FAT3: variants seen among roughly 807,000 people sequenced by gnomAD.
The protein encoded by FAT3 is FAT atypical cadherin 3.
Under a neutral mutation model 310.2 loss-of-function variants are expected in FAT3, and 95 were observed. That is an observed-to-expected ratio of 0.31 (90% CI 0.26 to 0.36). The LOEUF is 0.36. Ranked by LOEUF, FAT3 falls within the 10% of genes least tolerant of loss-of-function variation. The pLI is 1.00. For synonymous variants in FAT3, 2,314 were observed against 2,192.9 expected, an observed-to-expected ratio of 1.06 and a Z score of -1.54; for missense variants, 5,408 against 5,715.6, an observed-to-expected ratio of 0.95 and a Z score of 1.74.
At chr11:92,538,455 G>T (rs1233289995) in intron 3 of FAT3, among the ~76,000 whole-genome samples, 1 of 152,154 alleles carries the variant, frequency 6.6e-6, no homozygotes, top group Non-Finnish European at 1.5e-5. Flanking sequence ...GCGGGCTACT[G>T]TATTTTATAA....
intron 13 of FAT3, among the ~76,000 whole-genome samples, chr11:92,812,523 A>G (rs1030684832): frequency 1.3e-5 from 2 of 151,848 alleles, no homozygotes; most frequent in Non-Finnish European, 2.9e-5. Context: ...CGGAGGTTGC[A>G]GTGAGCCAAT....
intron 19 of FAT3, among the ~76,000 whole-genome samples, chr11:92,856,711 TA>T (rs1013042018): frequency 6.6e-6 from 1 of 152,226 alleles, no homozygotes; most frequent in Non-Finnish European, 1.5e-5. Flanking sequence ...TTCAACAATT[TA>T]AAATTAGTCA....
At position 92,641,138 on chromosome 11, in the gene FAT3, T is replaced by G. The variant is rs188305837; in HGVS notation, c.3608-56246T>G. On this transcript the variant is annotated intron_variant, in intron 3 of 27. Transcript: ENST00000525166. ...TTAAGCCCAGGGATCAAGGCTGCAG[T>G]GAGCCAAGATTGTACCACTGCACTC... Among the ~76,000 whole-genome samples, 5 of 152,228 alleles carry G rather than the reference T, an allele frequency of 3.3e-5. No homozygotes were observed. In the East Asian group the frequency reaches 9.7e-4, roughly 29 times the overall value.
At chr11:92,253,397 T>G (rs953113375) in intron 1 of FAT3, among the ~76,000 whole-genome samples, 51 of 152,158 alleles carry the variant, frequency 3.4e-4, no homozygotes, top group African/African-American at 1.1e-3. Context: ...TACTTTAGAT[T>G]TGAGCCCTCT....
At chr11:92,450,034 C>A (rs1195530525) in intron 2 of FAT3, among the ~76,000 whole-genome samples, 1 of 152,084 alleles carries the variant, frequency 6.6e-6, no homozygotes, top group East Asian at 1.9e-4. Flanking sequence ...GTGTCCTTTC[C>A]CCATGCCTTG....
chr11:92,507,565 C>T (rs188591134), intron 2 of FAT3, among the ~76,000 whole-genome samples: 1 of 151,616 alleles, frequency 6.6e-6, no homozygotes, highest in East Asian at 2.0e-4. Context: ...TATATATACA[C>T]ACACATATCC....
chr11:92,780,018 G>A (rs1051572470), intron 7 of FAT3, among the ~76,000 whole-genome samples: 1 of 152,128 alleles, frequency 6.6e-6, no homozygotes, highest in Non-Finnish European at 1.5e-5. Context: ...CAAACAACCT[G>A]AATGATTTTG....
intron 1 of FAT3, among the ~76,000 whole-genome samples, chr11:92,350,685 C>T (rs868760016): frequency 1.3e-5 from 2 of 152,240 alleles, no homozygotes; most frequent in Middle Eastern, 6.8e-3. Flanking sequence ...AGATTAACTT[C>T]TCTGACCCTC....
chr11:92,847,327 G>A (rs1948712017), intron 19 of FAT3, among the ~76,000 whole-genome samples: 1 of 152,182 alleles, frequency 6.6e-6, no homozygotes, highest in Non-Finnish European at 1.5e-5. Flanking sequence ...GTAGCATGCT[G>A]TACAAGCCTG....
In FAT3 at chr11:92,834,955, A is replaced by G. The variant is rs768567613; in HGVS notation, c.9957A>G (p.Pro3319=). The change falls in exon 15 of 28, where the codon CCA becomes CCG. Residue 3319 remains proline (P), a synonymous_variant. Transcript: ENST00000525166. ...LVVEAKDGGT[P]ALSAVATVNI... ...TGGAAGCCAAAGATGGGGGCACCCC[A>G]GCTCTCAGCGCTGTGGCCACTGTCA... 50 of 1,613,204 alleles carry G rather than the reference A, an allele frequency of 3.1e-5. No homozygotes were observed. In the South Asian group the frequency reaches 5.5e-4, roughly 18 times the overall value.
chr11:92,844,497 C>T lies in FAT3; in HGVS notation c.11130C>T (p.Ser3710=). Residue 3710 remains serine (S), a synonymous_variant, in exon 19 of 28, where the codon AGC becomes AGT. Transcript: ENST00000525166. The stretch of plus-strand genomic sequence containing the variant: ...TGTTTGCGGTGGAGATGCACAGCAG[C>T]GAGTTCTACAAGCCAGCCTACCTGA... ...DMLFAVEMHS[S]EFYKPAYLIQ... is the part of the protein sequence containing the mutation. 1.2e-5 allele frequency: 19 copies of T among 1,613,902 alleles called. No individual in the cohort carries two copies. The highest frequency in any genetic ancestry group is 2.2e-5 in the East Asian group (1 of 44,878).
At position 92,831,836 on chromosome 11, in the gene FAT3, C is replaced by T. The variant is rs765274303; in HGVS notation, c.9696C>T (p.Asn3232=). 4.3e-6 allele frequency: 7 copies of T among 1,613,574 alleles called. No individual in the cohort carries two copies. Among genetic ancestry groups the T allele is most frequent in the Non-Finnish European group, 5.1e-6 (6 of 1,179,798 alleles). The change falls in exon 14 of 28, where the codon AAC becomes AAT. Residue 3232 remains asparagine (N), a synonymous_variant. Transcript: ENST00000525166. ...VTITVLDIND[N]PPVFERRDYL... ...TCACCGTTCTGGACATTAATGACAA[C>T]CCCCCTGTGTTTGAGAGGAGGGACT...
chr11:92,576,018 T>C (rs939576918), intron 3 of FAT3, among the ~76,000 whole-genome samples: 1 of 152,192 alleles, frequency 6.6e-6, no homozygotes, highest in African/African-American at 2.4e-5. Context: ...GAATTATAAA[T>C]TGGGAGTTTA....
At chr11:92,489,809 T>C (rs1396684128) in intron 2 of FAT3, among the ~76,000 whole-genome samples, 1 of 152,044 alleles carries the variant, frequency 6.6e-6, no homozygotes, top group African/African-American at 2.4e-5. Context: ...CACAGCTCTC[T>C]GCAGAAGGCT....
chr11:92,456,005 G>C (rs1340398816), intron 2 of FAT3, among the ~76,000 whole-genome samples: 2 of 152,192 alleles, frequency 1.3e-5, no homozygotes, highest in Admixed American at 6.5e-5. Flanking sequence ...TGTGTGGTCT[G>C]TTGTGGCTTG....
At chr11:92,687,380 TC>T (rs1375466821) in intron 3 of FAT3, among the ~76,000 whole-genome samples, 1 of 152,240 alleles carries the variant, frequency 6.6e-6, no homozygotes, top group African/African-American at 2.4e-5. Context: ...AGCTTCTGTC[TC>T]GTTAATCTTA....
chr11:92,413,047 T>C (rs963055650), intron 2 of FAT3, among the ~76,000 whole-genome samples: 2 of 152,086 alleles, frequency 1.3e-5, no homozygotes, highest in Non-Finnish European at 2.9e-5. Flanking sequence ...CATTATAGTA[T>C]TCAGACTATT....
intron 4 of FAT3, among the ~76,000 whole-genome samples, chr11:92,712,593 GA>G (rs5793618): frequency 2.6e-5 from 4 of 151,598 alleles, no homozygotes; most frequent in Admixed American, 6.6e-5. Context: ...GAATTAAAAT[GA>G]AAAAAAATAT....
In FAT3 at chr11:92,315,455, ATGTG is replaced by A. The variant is rs1157835093; in HGVS notation, c.-17-36619_-17-36616del. Among the ~76,000 whole-genome samples, 711 of 107,502 alleles carry A rather than the reference ATGTG, an allele frequency of 6.6e-3. 6 individuals carry two copies. Among genetic ancestry groups the A allele is most frequent in the African/African-American group, 0.023 (599 of 26,456 alleles). The allele number at this position is 107,502 out of a possible 152,430, so 70.5% of individuals were successfully genotyped here. A position where few individuals can be genotyped will look rare whatever the true frequency, so the allele number is the denominator to read the frequency against. On this transcript the variant is annotated intron_variant, in intron 1 of 27. Transcript: ENST00000525166. ...AACCTCAGTGTGTGTGTGTATATAT[ATGTG>A]TGTGTGTGTGTGTGTGTGTGTATAT...
Sources: allele counts gnomAD v4.1 joint callset (sites outside exome capture counted in the v4.1 genomes callset), GRCh38; gene constraint gnomAD v4.1.1; transcripts MANE v1.5; gene names NCBI Gene and HGNC (gene_info 2026-07-23, HGNC 2026-07-21).